CASD1: variants seen among roughly 807,000 people sequenced by gnomAD.
CASD1 encodes the protein N-acetylneuraminate (7)9-O-acetyltransferase.
CASD1 carries 41 observed loss-of-function variants against 100.0 expected under a neutral mutation model. That is an observed-to-expected ratio of 0.41 (90% CI 0.32 to 0.53). The LOEUF (loss-of-function observed/expected upper bound fraction) is 0.53, where lower values mean the gene tolerates loss of function less well. Ranked by LOEUF, CASD1 falls within the 20% of genes least tolerant of loss-of-function variation. CASD1 has a pLI of 0.25. For synonymous variants in CASD1, 321 were observed against 315.6 expected, an observed-to-expected ratio of 1.02 and a Z score of -0.18; for missense variants, 774 against 948.7, an observed-to-expected ratio of 0.82 and a Z score of 2.42.
the CASD1 span, chr7:94,585,539 G>A: frequency 1.3e-6 from 2 of 1,562,790 alleles, no homozygotes; most frequent in East Asian, 4.5e-5. Flanking sequence ...GAATGAATAT[G>A]GGCAGGAGTT....
chr7:94,522,468 C>T (rs1030350939), intron 3 of CASD1, among the ~76,000 whole-genome samples: 2 of 152,142 alleles, frequency 1.3e-5, no homozygotes, highest in African/African-American at 4.8e-5. Flanking sequence ...TTGGCAAATT[C>T]TCACTTACAG....
the CASD1 span, among the ~76,000 whole-genome samples, chr7:94,564,520 A>G: frequency 4.7e-3 from 717 of 152,326 alleles, 3 homozygotes; most frequent in Non-Finnish European, 7.8e-3. Context: ...CCACAGGCAA[A>G]GGACCCAATT....
At chr7:94,516,176 G>T (rs917150226) in intron 1 of CASD1, among the ~76,000 whole-genome samples, 1 of 151,442 alleles carries the variant, frequency 6.6e-6, no homozygotes, top group Non-Finnish European at 1.5e-5. Flanking sequence ...TGCTCAAGCC[G>T]TGTATATAGT....
At chr7:94,633,925 T>C in the CASD1 span, among the ~76,000 whole-genome samples, 1 of 152,156 alleles carries the variant, frequency 6.6e-6, no homozygotes, top group Non-Finnish European at 1.5e-5. Flanking sequence ...CAGAGAACAC[T>C]TGCCAGTTCT....
chr7:94,598,660 A>G, the CASD1 span: 1 of 813,332 alleles, frequency 1.2e-6, no homozygotes, highest in Non-Finnish European at 2.2e-6. Flanking sequence ...TCCTTTTGTT[A>G]TTTTCTCTTC....
intron 6 of CASD1, 137 bp from the exon 7 acceptor site, chr7:94,533,542 T>G (rs1794954933): frequency 2.9e-6 from 2 of 682,560 alleles, no homozygotes; most frequent in Non-Finnish European, 4.5e-6. Context: ...CATGAACTAA[T>G]TTGACTGAAT....
the CASD1 span, among the ~76,000 whole-genome samples, chr7:94,584,624 A>G: frequency 7.8e-3 from 1,181 of 152,304 alleles, 19 homozygotes; most frequent in African/African-American, 0.027. Context: ...ATTTGCCCAA[A>G]GTAGATTAAG....
At chr7:94,610,442 G>A in the CASD1 span, among the ~76,000 whole-genome samples, 3 of 152,070 alleles carry the variant, frequency 2.0e-5, no homozygotes, top group Admixed American at 6.6e-5. Flanking sequence ...TGGGGGAGGC[G>A]ATGCAAAAGC....
At chr7:94,612,273 T>C in the CASD1 span, among the ~76,000 whole-genome samples, 1 of 152,152 alleles carries the variant, frequency 6.6e-6, no homozygotes, top group Non-Finnish European at 1.5e-5. Flanking sequence ...TCTTAAATTA[T>C]AAAACCAGTA....
chr7:94,531,422 G>A (rs961337399), intron 5 of CASD1, among the ~76,000 whole-genome samples: 1 of 152,136 alleles, frequency 6.6e-6, no homozygotes, highest in Non-Finnish European at 1.5e-5. Context: ...CTTGTCGGAT[G>A]AATTTTATTT....
intron 13 of CASD1, among the ~76,000 whole-genome samples, chr7:94,549,262 G>A (rs1584431022): frequency 6.6e-6 from 1 of 151,860 alleles, no homozygotes; most frequent in South Asian, 2.1e-4. Context: ...TACACTCTCA[G>A]TAGCCTTTCA....
chr7:94,632,834 T>C, the CASD1 span, among the ~76,000 whole-genome samples: 4 of 152,158 alleles, frequency 2.6e-5, no homozygotes, highest in East Asian at 5.8e-4. Context: ...TTCGAAGCTA[T>C]AGGTTCTTGT....
chr7:94,584,499 A>T, the CASD1 span, among the ~76,000 whole-genome samples: 5 of 152,252 alleles, frequency 3.3e-5, no homozygotes, highest in Non-Finnish European at 5.9e-5. Context: ...TGTCAATGAT[A>T]TGACAGAGTA....
the CASD1 span, among the ~76,000 whole-genome samples, chr7:94,583,328 T>A: frequency 1.3e-5 from 2 of 152,160 alleles, no homozygotes; most frequent in African/African-American, 4.8e-5. Context: ...GATCAACAAT[T>A]CCTTGTTGCT....
the CASD1 span, among the ~76,000 whole-genome samples, chr7:94,583,492 A>G: frequency 6.6e-6 from 1 of 152,164 alleles, no homozygotes; most frequent in African/African-American, 2.4e-5. Flanking sequence ...ATTTATAGAC[A>G]TGGAACCTGT....
the CASD1 span, among the ~76,000 whole-genome samples, chr7:94,572,550 C>T: frequency 7.2e-5 from 11 of 152,206 alleles, no homozygotes; most frequent in East Asian, 1.9e-3. Flanking sequence ...CAATTTATAT[C>T]CTTTGCCCAC....
chr7:94,591,971 T>C, the CASD1 span, among the ~76,000 whole-genome samples: 5 of 152,160 alleles, frequency 3.3e-5, no homozygotes, highest in Non-Finnish European at 7.4e-5. Context: ...CAAAGGAAAC[T>C]TAGATGAGTT....
chr7:94,586,517 T>C, the CASD1 span: 1 of 152,468 alleles, frequency 6.6e-6, no homozygotes, highest in African/African-American at 2.4e-5. Context: ...TTTCTTTTTT[T>C]GATTCAGAGT....
intron 1 of CASD1, among the ~76,000 whole-genome samples, chr7:94,516,023 C>T (rs1449832185): frequency 6.6e-6 from 1 of 151,790 alleles, no homozygotes; most frequent in African/African-American, 2.4e-5. Flanking sequence ...TTTTTTTACT[C>T]ATCCTTAGTT....
Sources: allele counts gnomAD v4.1 joint callset (sites outside exome capture counted in the v4.1 genomes callset), GRCh38; gene constraint gnomAD v4.1.1; transcripts MANE v1.5; gene names NCBI Gene and HGNC (gene_info 2026-07-23, HGNC 2026-07-21).